DIAPH2: variants seen among roughly 807,000 people sequenced by gnomAD.
DIAPH2 encodes the protein protein diaphanous homolog 2.
DIAPH2 carries 35 observed loss-of-function variants against 92.7 expected under a neutral mutation model. The ratio of observed to expected loss-of-function variants is 0.38; its 90% CI spans 0.29 to 0.50. The LOEUF is 0.50. Among genes scored for constraint, DIAPH2 ranks in the 20% least tolerant of loss-of-function variants. The pLI is 0.94. For synonymous variants in DIAPH2, 301 were observed against 280.4 expected (o/e 1.07, Z -0.73); for missense variants, 701 against 819.5 (o/e 0.86, Z 1.77).
At chrX:96,744,273 T>C (rs1464486637) in intron 3 of DIAPH2, among the ~76,000 whole-genome samples, 2 of 112,312 alleles carry the variant, frequency 1.8e-5, no homozygotes, top group Non-Finnish European at 3.8e-5. Flanking sequence ...TTATTTCAAT[T>C]GATCCTTATG....
chrX:97,441,859 A>G (rs1943388166), intron 26 of DIAPH2, among the ~76,000 whole-genome samples: 1 of 113,342 alleles, frequency 8.8e-6, no homozygotes, highest in African/African-American at 3.2e-5. Context: ...TTTGGGACAG[A>G]CATCACATGT....
chrX:96,752,117 T>A (rs1602478717), intron 3 of DIAPH2, among the ~76,000 whole-genome samples: 1 of 112,077 alleles, frequency 8.9e-6, no homozygotes, highest in Non-Finnish European at 1.9e-5. Context: ...AGAGTTAATA[T>A]TGAATTATGA....
rs200372838 is a variant in DIAPH2, at chrX:97,573,656, G to T, written c.3242-25597G>T. On this transcript the variant is annotated intron_variant, in intron 26 of 26. Coordinates refer to ENST00000324765, the MANE Select transcript of DIAPH2 (RefSeq NM_006729.5). ...AAGCATGTTTTTTTGGGGTTTTTTT[G>T]TTTTTTTTTTTGTTTTTTTTTGAGG... Among the ~76,000 whole-genome samples, 795 of 96,556 alleles carry T rather than the reference G, an allele frequency of 8.2e-3. 6 individuals are homozygous for T. The highest frequency in any genetic ancestry group is 0.028 in the African/African-American group (738 of 26,407). The allele number at this position is 96,556 out of a possible 115,157, so 83.8% of individuals were successfully genotyped here.
At chrX:97,063,894 G>A (rs2066616880) in intron 17 of DIAPH2, among the ~76,000 whole-genome samples, 1 of 112,281 alleles carries the variant, frequency 8.9e-6, no homozygotes, top group African/African-American at 3.2e-5. Flanking sequence ...TAAACAAGAT[G>A]TTATTGGAAC....
intron 18 of DIAPH2, 149 bp from the exon 19 acceptor site, chrX:97,075,018 A>G (rs2147913673): frequency 5.7e-6 from 2 of 352,390 alleles, no homozygotes; most frequent in East Asian, 6.0e-5. Context: ...TGAGTAGTCC[A>G]TCAAATGGAA....
intron 25 of DIAPH2, among the ~76,000 whole-genome samples, chrX:97,412,001 G>A (rs2069879876): frequency 9.0e-6 from 1 of 111,627 alleles, no homozygotes; most frequent in African/African-American, 3.3e-5. Flanking sequence ...CAATGAGACA[G>A]AAGGTTAACA....
intron 22 of DIAPH2, among the ~76,000 whole-genome samples, chrX:97,246,346 C>A (rs1179027982): frequency 8.9e-6 from 1 of 112,042 alleles, no homozygotes; most frequent in East Asian, 2.8e-4. Context: ...GCAAACTCAT[C>A]CTTTAAATAA....
chrX:97,047,298 G>A lies in DIAPH2; in HGVS notation c.2051-25643G>A, dbSNP rs181043774. Among the ~76,000 whole-genome samples the A allele has an allele frequency of 2.3e-3, 251 of 110,703 alleles. 2 individuals carry two copies. The highest frequency in any genetic ancestry group is 8.0e-3 in the African/African-American group (244 of 30,553). On this transcript the variant is annotated intron_variant, in intron 17 of 26. Coordinates refer to ENST00000324765, the MANE Select transcript of DIAPH2 (RefSeq NM_006729.5). ...CATGCATTGTTAGAGATAGCCCAAT[G>A]AAAATGGATTCCGTTGTGTTTATCT...
At chrX:96,697,888 A>G (rs1415820466) in intron 1 of DIAPH2, among the ~76,000 whole-genome samples, 1 of 110,492 alleles carries the variant, frequency 9.1e-6, no homozygotes. Flanking sequence ...AAAAAAAAAA[A>G]ATTCTTTGAA....
rs772329315 is a variant in DIAPH2, at chrX:96,958,082, T to C, written c.1869T>C (p.Pro623=). ...PPPPGISLNL[P]YGMKQKKMYK... ...CCCCAGGAATATCACTTAATCTACC[T>C]TATGGAATGAAGCAGAAAAAAATGT... The change falls in exon 16 of 27, where the codon CCT becomes CCC. Residue 623 remains proline (P), a synonymous_variant. Transcript: ENST00000324765. 6 of 1,209,775 alleles carry C rather than the reference T, an allele frequency of 5.0e-6. No individual in the cohort carries two copies. In the Admixed American group the frequency reaches 1.1e-4, roughly 22 times the overall value.
At chrX:96,978,255 T>C in intron 17 of DIAPH2, among the ~76,000 whole-genome samples, 1 of 111,918 alleles carries the variant, frequency 8.9e-6, no homozygotes, top group Non-Finnish European at 1.9e-5. Flanking sequence ...TAATCCTTGT[T>C]GGTGAGAAAA....
chrX:96,744,929 A>C (rs2064140883), intron 3 of DIAPH2, among the ~76,000 whole-genome samples: 1 of 110,639 alleles, frequency 9.0e-6, no homozygotes, highest in Non-Finnish European at 1.9e-5. Flanking sequence ...TTCTGACTTT[A>C]GAGAACTACA....
chrX:96,907,063 T>C (rs1164355395), intron 5 of DIAPH2, among the ~76,000 whole-genome samples: 1 of 112,304 alleles, frequency 8.9e-6, no homozygotes, highest in Non-Finnish European at 1.9e-5. Flanking sequence ...ATGTGTAGCA[T>C]GTTAAGACAG....
chrX:97,166,558 A>G (rs1464706200), intron 22 of DIAPH2, among the ~76,000 whole-genome samples: 1 of 112,008 alleles, frequency 8.9e-6, no homozygotes. Context: ...TTCCCTCCAG[A>G]AAGACTATAA....
chrX:96,857,579 A>C (rs943973040), intron 4 of DIAPH2, among the ~76,000 whole-genome samples: 9 of 112,394 alleles, frequency 8.0e-5, no homozygotes, highest in African/African-American at 2.9e-4. Flanking sequence ...TACCAAGCTA[A>C]CTAATAAGTG....
At chrX:97,156,494 G>A (rs1055938820) in intron 22 of DIAPH2, among the ~76,000 whole-genome samples, 1 of 111,689 alleles carries the variant, frequency 9.0e-6, no homozygotes, top group African/African-American at 3.3e-5. Flanking sequence ...AATGATTTAC[G>A]GATACAATTT....
chrX:97,129,784 C>A (rs1356740415), intron 21 of DIAPH2, among the ~76,000 whole-genome samples: 1 of 110,763 alleles, frequency 9.0e-6, no homozygotes, highest in African/African-American at 3.3e-5. Context: ...AGAATGATCA[C>A]ATAATCAAAT....
At chrX:97,177,079 T>C (rs975013374) in intron 22 of DIAPH2, among the ~76,000 whole-genome samples, 3 of 111,262 alleles carry the variant, frequency 2.7e-5, no homozygotes, top group African/African-American at 9.8e-5. Flanking sequence ...CCAATTTTTT[T>C]CCCAATATTT....
At chrX:97,006,703 CT>C (rs2066185163) in intron 17 of DIAPH2, among the ~76,000 whole-genome samples, 2 of 111,879 alleles carry the variant, frequency 1.8e-5, no homozygotes, top group African/African-American at 6.5e-5. Context: ...AAAGCAAGAG[CT>C]TTTTTTAAAA....
Sources: allele counts gnomAD v4.1 joint callset (sites outside exome capture counted in the v4.1 genomes callset), GRCh38; gene constraint gnomAD v4.1.1; transcripts MANE v1.5; gene names NCBI Gene and HGNC (gene_info 2026-07-23, HGNC 2026-07-21).